Variants in SNX13 observed in about 807,000 individuals in gnomAD.
SNX13 encodes sorting nexin-13.
In SNX13, 45 loss-of-function variants were observed where a neutral mutation model predicts 133.6. The observed-to-expected ratio is 0.34, with a 90% CI of 0.27 to 0.43. SNX13 has a LOEUF of 0.43. Among genes scored for constraint, SNX13 ranks in the 20% least tolerant of loss-of-function variants. The pLI, the probability that SNX13 is intolerant of heterozygous loss-of-function variation, is 1.00. For missense variants in SNX13, 1,032 were observed against 1,145.1 expected (o/e 0.90, Z 1.43); for synonymous variants, 414 against 373.9 (o/e 1.11, Z -1.24).
intron 21 of SNX13, among the ~76,000 whole-genome samples, chr7:17,802,915 CTA>C (rs775282073): frequency 1.3e-5 from 2 of 152,014 alleles, no homozygotes; most frequent in Non-Finnish European, 2.9e-5. Flanking sequence ...TGAAATTCTT[CTA>C]TGACACGCAG....
intron 1 of SNX13, among the ~76,000 whole-genome samples, chr7:17,901,068 G>A (rs539397728): frequency 6.6e-6 from 1 of 152,272 alleles, no homozygotes; most frequent in East Asian, 1.9e-4. Flanking sequence ...TCCCTTCAAA[G>A]CAGTAGGTTC....
intron 1 of SNX13, 56 bp downstream of exon 1, chr7:17,940,228 T>G: frequency 6.4e-7 from 1 of 1,551,634 alleles, no homozygotes; most frequent in Non-Finnish European, 8.7e-7. Context: ...TCTGACGGGC[T>G]GGCGCCGGCC....
At position 17,792,792 on chromosome 7, in the gene SNX13, G is replaced by A. The variant is rs1304489595; in HGVS notation, c.*1253C>T. On this transcript the variant is annotated 3_prime_UTR_variant, in exon 26 of 26. Coordinates refer to ENST00000428135, the MANE Select transcript of SNX13 (RefSeq NM_015132.5). The stretch of plus-strand genomic sequence containing the variant: ...AAGGGATGTGAATACTTCTAAGATG[G>A]ATAAAATGGACAGTCAGAAAACTAT... 6.6e-6 allele frequency: 1 copy of A among 152,278 alleles called. No individual in the cohort carries two copies. The highest frequency in any genetic ancestry group is 1.9e-4 in the East Asian group (1 of 5,192). 9.4% of individuals were successfully genotyped at this position (152,278 alleles called of 1,614,324 possible).
In SNX13 at chr7:17,816,302, A is replaced by C. The variant is rs1452523310; in HGVS notation, c.1846-13T>G. The C allele has an allele frequency of 4.6e-6, 7 of 1,530,278 alleles. No homozygotes were observed. Among genetic ancestry groups the C allele is most frequent in the Non-Finnish European group, 6.2e-6 (7 of 1,137,088 alleles). The allele number at this position is 1,530,278 out of a possible 1,614,324, so 94.8% of individuals were successfully genotyped here. On this transcript the variant is annotated splice_polypyrimidine_tract_variant and intron_variant, in intron 18 of 25. Transcript: ENST00000428135. ...AGAGACTTTCAAACTGTAAGACAAA[A>C]TACATTCAATAGCACTTTTTATAAA...
intron 1 of SNX13, among the ~76,000 whole-genome samples, chr7:17,921,383 T>C (rs2128036301): frequency 6.6e-6 from 1 of 152,276 alleles, no homozygotes. Context: ...CTTATACAAT[T>C]TCCCAGTGAT....
intron 24 of SNX13, among the ~76,000 whole-genome samples, chr7:17,798,197 G>A (rs985469862): frequency 9.9e-5 from 15 of 151,794 alleles, no homozygotes; most frequent in Admixed American, 3.3e-4. Flanking sequence ...CAGAGGAGGC[G>A]CTCAGTATTT....
chr7:17,880,687 G>C (rs1403341488), intron 5 of SNX13: 1 of 152,196 alleles, frequency 6.6e-6, no homozygotes, highest in African/African-American at 2.4e-5. Flanking sequence ...GGAATGGAGA[G>C]CACTGGCTAA....
At chr7:17,795,060 T>C (rs1783900122) in intron 25 of SNX13, 1 of 151,550 alleles carries the variant, frequency 6.6e-6, no homozygotes, top group Non-Finnish European at 1.5e-5. Context: ...AAGCAGTAAC[T>C]AGAATAACAA....
chr7:17,808,965 A>G (rs1259010105), intron 20 of SNX13, among the ~76,000 whole-genome samples: 1 of 152,182 alleles, frequency 6.6e-6, no homozygotes, highest in Non-Finnish European at 1.5e-5. Context: ...AGCACTAAAC[A>G]TGGAAAGGAA....
intron 5 of SNX13, chr7:17,882,745 C>G (rs534695303): frequency 2.7e-6 from 3 of 1,101,494 alleles, no homozygotes; most frequent in Non-Finnish European, 3.4e-6. Context: ...ACCAGAGAAT[C>G]TTACTATTTT....
chr7:17,828,815 T>C (rs1300065423), intron 16 of SNX13, among the ~76,000 whole-genome samples: 1 of 151,500 alleles, frequency 6.6e-6, no homozygotes, highest in African/African-American at 2.4e-5. Context: ...AAAAAAAATT[T>C]TTTACTAGTG....
At chr7:17,809,770 C>A (rs1785781557) in intron 20 of SNX13, among the ~76,000 whole-genome samples, 1 of 152,186 alleles carries the variant, frequency 6.6e-6, no homozygotes, top group Admixed American at 6.5e-5. Context: ...AACAAACAGT[C>A]TCTCAGACCA....
At chr7:17,822,840 T>A (rs1787452236) in intron 17 of SNX13, among the ~76,000 whole-genome samples, 1 of 152,208 alleles carries the variant, frequency 6.6e-6, no homozygotes, top group Non-Finnish European at 1.5e-5. Flanking sequence ...CTTGAGATCT[T>A]GCAGTACATA....
At chr7:17,847,614 T>A (rs1790699723) in intron 11 of SNX13, among the ~76,000 whole-genome samples, 1 of 152,230 alleles carries the variant, frequency 6.6e-6, no homozygotes, top group Non-Finnish European at 1.5e-5. Context: ...ATTAAAAACC[T>A]AAGGGTATTT....
chr7:17,920,798 C>T (rs1428727780), intron 1 of SNX13, among the ~76,000 whole-genome samples: 2 of 152,106 alleles, frequency 1.3e-5, no homozygotes, highest in East Asian at 1.9e-4. Context: ...CCCTTTTTCA[C>T]TCTAAGTCTA....
intron 1 of SNX13, among the ~76,000 whole-genome samples, chr7:17,934,721 G>T (rs982039148): frequency 1.3e-5 from 2 of 152,136 alleles, no homozygotes; most frequent in South Asian, 4.1e-4. Flanking sequence ...AATGGGCAAA[G>T]GGCTTGAATA....
chr7:17,811,328 A>G (rs1360257642), intron 20 of SNX13, among the ~76,000 whole-genome samples: 1 of 152,256 alleles, frequency 6.6e-6, no homozygotes, highest in Admixed American at 6.5e-5. Flanking sequence ...TCAATGTGCA[A>G]AAATCACAAG....
chr7:17,826,897 G>A (rs946698317), intron 16 of SNX13, among the ~76,000 whole-genome samples: 2 of 152,064 alleles, frequency 1.3e-5, no homozygotes, highest in African/African-American at 4.8e-5. Flanking sequence ...GCTCTGTCTA[G>A]AAAAGACTGC....
chr7:17,907,622 C>G (rs1345755196), intron 1 of SNX13, among the ~76,000 whole-genome samples: 1 of 152,120 alleles, frequency 6.6e-6, no homozygotes, highest in Non-Finnish European at 1.5e-5. Flanking sequence ...AGCAACACCC[C>G]CCCTGAAAAT....
Sources: gnomAD v4.1 joint callset for allele counts (sites outside exome capture counted in the v4.1 genomes callset) on GRCh38, gnomAD v4.1.1 for gene constraint, MANE v1.5 for transcripts, NCBI Gene and HGNC (gene_info 2026-07-23, HGNC 2026-07-21) for gene names.